The following MFAP3L variants were observed in gnomAD, a reference collection of about 807,000 sequenced individuals.
MFAP3L encodes microfibril associated protein 3 like.
MFAP3L carries 5 observed loss-of-function variants against 20.0 expected under a neutral mutation model. The ratio of observed to expected loss-of-function variants is 0.25; its 90% CI spans 0.13 to 0.53. The LOEUF (loss-of-function observed/expected upper bound fraction) is 0.53. MFAP3L is among the 20% of genes least tolerant of loss of function. MFAP3L has a pLI of 0.96. For synonymous variants in MFAP3L, 219 were observed against 213.0 expected (o/e 1.03, Z -0.25); for missense variants, 409 against 527.5 (o/e 0.78, Z 2.20).
chr4:169,994,618 C>T lies in MFAP3L; in HGVS notation c.299-2309G>A, dbSNP rs1737999701. ...TGTATTTCTCTAATCTACAACCAAG[C>T]AGTTCAATTTAGACAACTACTTACA... On this transcript the variant is annotated intron_variant, in intron 2 of 2. Coordinates refer to ENST00000361618, the MANE Select transcript of MFAP3L (RefSeq NM_021647.8). 5.5e-6 allele frequency: 5 copies of T among 901,282 alleles called. No individual in the cohort carries two copies. In the African/African-American group the frequency reaches 9.0e-5, roughly 16 times the overall value. 55.8% of individuals were successfully genotyped at this position (901,282 alleles called of 1,614,324 possible).
chr4:170,016,948 G>A (rs1739736463), intron 1 of MFAP3L, among the ~76,000 whole-genome samples: 1 of 152,172 alleles, frequency 6.6e-6, no homozygotes, highest in African/African-American at 2.4e-5. Context: ...GGAGATGCCA[G>A]AAATGTATGC....
At position 169,992,363 on chromosome 4, in the gene MFAP3L, A is replaced by T; in HGVS notation, c.299-54T>A. 1 of 1,394,330 alleles carries T rather than the reference A, an allele frequency of 7.2e-7. No homozygotes were observed. The highest frequency in any genetic ancestry group is 2.3e-5 in the East Asian group (1 of 43,594). 86.4% of individuals were successfully genotyped at this position (1,394,330 alleles called of 1,614,324 possible). A position where few individuals can be genotyped will look rare whatever the true frequency, so the allele number is the denominator to read the frequency against. On this transcript the variant is annotated intron_variant, in intron 2 of 2. Transcript: ENST00000361618. This position sits in a 1 kb window ranked among gnomAD's most constrained non-coding sequence, Gnocchi z 4.3. Reference sequence around the variant, plus strand: ...CCAAGGACACAGAGCTCCCATGACTACAAACTGATACGTTTCTAAGAACAT... The same window carrying T: ...CCAAGGACACAGAGCTCCCATGACTTCAAACTGATACGTTTCTAAGAACAT...
At chr4:170,001,072 A>G (rs1738582813) in intron 2 of MFAP3L, among the ~76,000 whole-genome samples, 2 of 152,200 alleles carry the variant, frequency 1.3e-5, no homozygotes, top group Admixed American at 1.3e-4. Flanking sequence ...ACAAGAATTC[A>G]GTATAACAGG....
chr4:169,995,344 C>T (rs886283486), intron 2 of MFAP3L, among the ~76,000 whole-genome samples: 1 of 152,268 alleles, frequency 6.6e-6, no homozygotes, highest in East Asian at 1.9e-4. Flanking sequence ...TTTGTAAAGG[C>T]CAGTATATTA....
rs1737784136 is a variant in MFAP3L, at chr4:169,992,358, T to C, written c.299-49A>G. On this transcript the variant is annotated intron_variant, in intron 2 of 2. Coordinates refer to ENST00000361618, the MANE Select transcript of MFAP3L (RefSeq NM_021647.8). The surrounding 1 kb of genome is among the most constrained non-coding windows in gnomAD (Gnocchi z 4.3). ...TTCAACCAAGGACACAGAGCTCCCA[T>C]GACTACAAACTGATACGTTTCTAAG... is the stretch of plus-strand genomic sequence containing the variant. 2 of 1,464,914 alleles carry C rather than the reference T, an allele frequency of 1.4e-6. No homozygotes were observed. Among genetic ancestry groups the C allele is most frequent in the Non-Finnish European group, 1.9e-6 (2 of 1,068,342 alleles). 90.7% of individuals were successfully genotyped at this position (1,464,914 alleles called of 1,614,324 possible). A position where few individuals can be genotyped will look rare whatever the true frequency, so the allele number is the denominator to read the frequency against.
At chr4:169,999,315 G>A (rs1055632084) in intron 2 of MFAP3L, among the ~76,000 whole-genome samples, 5 of 152,152 alleles carry the variant, frequency 3.3e-5, no homozygotes. Context: ...CAGGAAGGTG[G>A]GGATGGAAGG....
chr4:169,999,203 G>C lies in MFAP3L; in HGVS notation c.298+6377C>G, dbSNP rs528374089. ...AACCCCACTCACAACCCTCCCAAGA[G>C]ACCTCTTCAGAGAGGACTAGGGCAG... On this transcript the variant is annotated intron_variant, in intron 2 of 2. Coordinates refer to ENST00000361618, the MANE Select transcript of MFAP3L (RefSeq NM_021647.8). Among the ~76,000 whole-genome samples the C allele has an allele frequency of 3.3e-5, 5 of 152,276 alleles. No homozygotes were observed. The East Asian group carries it at 7.7e-4, about 24-fold the overall frequency.
At chr4:169,999,290 G>A (rs1449640337) in intron 2 of MFAP3L, among the ~76,000 whole-genome samples, 1 of 152,200 alleles carries the variant, frequency 6.6e-6, no homozygotes. Context: ...TATGGGCTTA[G>A]CCAAGCTTTC....
chr4:169,990,177 T>C lies in MFAP3L; in HGVS notation c.*1201A>G, dbSNP rs1430324868. 1 of 152,264 alleles carries C rather than the reference T, an allele frequency of 6.6e-6. No homozygotes were observed. The highest frequency in any genetic ancestry group is 1.5e-5 in the Non-Finnish European group (1 of 68,054). 9.4% of individuals were successfully genotyped at this position (152,264 alleles called of 1,614,324 possible). A position where few individuals can be genotyped will look rare whatever the true frequency, so the allele number is the denominator to read the frequency against. ...TATTAAGCCTTTGGATGACTAATTTTGTCTTCTTTCCATAACATCACGCAC... is the reference window on the plus strand; with the variant it reads ...TATTAAGCCTTTGGATGACTAATTTCGTCTTCTTTCCATAACATCACGCAC... On this transcript the variant is annotated 3_prime_UTR_variant, in exon 3 of 3. Transcript: ENST00000361618.
chr4:170,008,349 T>G (rs1195314691), intron 1 of MFAP3L, among the ~76,000 whole-genome samples: 1 of 152,230 alleles, frequency 6.6e-6, no homozygotes, highest in East Asian at 1.9e-4. Flanking sequence ...GAAAACTGAT[T>G]CAAAGTAAGC....
Position 169,991,559 on chromosome 4 carries a change from G to A in MFAP3L, c.1049C>T (p.Ala350Val), listed in dbSNP as rs61997061. Residue 350 changes from alanine to valine, a missense_variant, in exon 3 of 3, where the codon GCG (alanine) becomes GTG (valine). Transcript: ENST00000361618. This position sits in a 1 kb window ranked among gnomAD's most constrained non-coding sequence, Gnocchi z 4.9. ...VKDVEETELS[A>V]EHSPETAEPS... ...TTCTGCAGTTTCGGGGGAATGTTCC[G>A]CCGACAGTTCTGTCTCCTCTACATC... 1,598 of 1,614,102 alleles carry A rather than the reference G, an allele frequency of 9.9e-4. 12 individuals carry two copies. The African/African-American group carries it at 0.018, about 19-fold the overall frequency.
In MFAP3L at chr4:170,026,346, C is replaced by G; in HGVS notation, c.-246G>C. 3.2e-6 allele frequency: 3 copies of G among 941,898 alleles called. No individual in the cohort carries two copies. The highest frequency in any genetic ancestry group is 3.8e-6 in the Non-Finnish European group (3 of 791,314). 58.3% of individuals were successfully genotyped at this position (941,898 alleles called of 1,614,324 possible). On this transcript the variant is annotated 5_prime_UTR_variant, in exon 1 of 3. Coordinates refer to ENST00000361618, the MANE Select transcript of MFAP3L (RefSeq NM_021647.8). ...GACGCCCGGTAGCGCCTACTGCGGGCGAGCCGCCTCCGCCGGCGCCTCACA... is the reference window on the plus strand; with the variant it reads ...GACGCCCGGTAGCGCCTACTGCGGGGGAGCCGCCTCCGCCGGCGCCTCACA...
At chr4:169,993,506 C>T (rs1010585866) in intron 2 of MFAP3L, 1 of 152,152 alleles carries the variant, frequency 6.6e-6, no homozygotes, top group African/African-American at 2.4e-5. Context: ...CTGGTATTTC[C>T]CAAAAGCAAC....
intron 1 of MFAP3L, among the ~76,000 whole-genome samples, chr4:170,014,603 T>C (rs17628613): frequency 0.47 from 70,876 of 152,088 alleles, 16,677 homozygotes; most frequent in East Asian, 0.71. Flanking sequence ...ACAGAGCACA[T>C]TGTCTATAAA....
Position 169,987,327 on chromosome 4 carries a change from A to G in MFAP3L, c.*4051T>C, listed in dbSNP as rs1394029398. On this transcript the variant is annotated 3_prime_UTR_variant, in exon 3 of 3. Transcript: ENST00000361618. ...ATTTGGTAGATATTTTAAGAGTATGAATAACTTGGTTTAAAAACCAAGGAT... is the reference window on the plus strand; with the variant it reads ...ATTTGGTAGATATTTTAAGAGTATGGATAACTTGGTTTAAAAACCAAGGAT... 6.6e-6 allele frequency: 1 copy of G among 152,226 alleles called. No homozygotes were observed. Among genetic ancestry groups the G allele is most frequent in the Non-Finnish European group, 1.5e-5 (1 of 68,036 alleles). 9.4% of individuals were successfully genotyped at this position (152,226 alleles called of 1,614,324 possible). A position where few individuals can be genotyped will look rare whatever the true frequency, so the allele number is the denominator to read the frequency against.
chr4:170,018,488 C>T (rs1739834434), intron 1 of MFAP3L, among the ~76,000 whole-genome samples: 1 of 152,024 alleles, frequency 6.6e-6, no homozygotes, highest in Admixed American at 6.6e-5. Flanking sequence ...AACTAACAAC[C>T]CAGTGAAAGG....
intron 1 of MFAP3L, among the ~76,000 whole-genome samples, chr4:170,025,700 C>T (rs1391739043): frequency 6.6e-6 from 1 of 152,192 alleles, no homozygotes; most frequent in Non-Finnish European, 1.5e-5. Flanking sequence ...ACTCCGAGAG[C>T]TTCAGTAGCG....
Position 169,991,670 on chromosome 4 carries a change from T to G in MFAP3L, c.938A>C (p.Gln313Pro). Residue 313 changes from glutamine (Q) to proline (P), a missense_variant, in exon 3 of 3, where the codon CAG (glutamine) becomes CCG (proline). Around this residue, in one of 3 missense-constraint regions of MFAP3L, gnomAD observed 169 missense variants for 178.2 expected, o/e 0.95. Coordinates refer to ENST00000361618, the MANE Select transcript of MFAP3L (RefSeq NM_021647.8). This position sits in a 1 kb window ranked among gnomAD's most constrained non-coding sequence, Gnocchi z 4.9. ...SDASSLHEQP[Q>P]QIAIKVSVHP... ...AACTGACACCTTGATGGCAATTTGC[T>G]GAGGTTGCTCGTGCAGCGATGAGGC... 6.2e-7 allele frequency: 1 copy of G among 1,614,230 alleles called. No individual in the cohort carries two copies. The highest frequency in any genetic ancestry group is 1.1e-5 in the South Asian group (1 of 91,086).
intron 1 of MFAP3L, among the ~76,000 whole-genome samples, chr4:170,010,260 G>A (rs998497790): frequency 2.6e-5 from 4 of 151,744 alleles, no homozygotes; most frequent in African/African-American, 4.8e-5. Flanking sequence ...AAATATCCAC[G>A]TCTTTTTTAA....
Sources: allele counts gnomAD v4.1 joint callset (sites outside exome capture counted in the v4.1 genomes callset), GRCh38; gene constraint gnomAD v4.1.1; regional missense constraint gnomAD v4.1.1; non-coding constraint Gnocchi (gnomAD v3.1); transcripts MANE v1.5; gene names NCBI Gene and HGNC (gene_info 2026-07-23, HGNC 2026-07-21).